Variants in LRRC43 observed in about 807,000 individuals in gnomAD.
LRRC43 encodes leucine rich repeat containing 43.
In LRRC43, 62 loss-of-function variants were observed where a neutral mutation model predicts 64.3. The observed-to-expected ratio is 0.96, with a 90% CI of 0.79 to 1.19. The LOEUF (loss-of-function observed/expected upper bound fraction) is 1.19. Among genes scored for constraint, LRRC43 ranks in the 50% most tolerant of loss-of-function variants. The probability of loss-of-function intolerance (pLI) is 0.00; values close to 1 mark genes in which losing one functional copy is unlikely to be tolerated. For synonymous variants in LRRC43, 422 were observed against 382.3 expected, an observed-to-expected ratio of 1.10 and a Z score of -1.21; for missense variants, 868 against 845.0, an observed-to-expected ratio of 1.03 and a Z score of -0.34.
chr12:122,192,709 C>T (rs747044716), intron 6 of LRRC43, 36 bp from the exon 7 acceptor site: 20 of 1,605,020 alleles, frequency 1.2e-5, no homozygotes, highest in East Asian at 4.5e-5. Flanking sequence ...ATCCTGAAGA[C>T]GGCAGCCTTG....
intron 7 of LRRC43, among the ~76,000 whole-genome samples, chr12:122,199,915 T>G (rs1008323699): frequency 6.6e-6 from 1 of 152,224 alleles, no homozygotes; most frequent in Non-Finnish European, 1.5e-5. Context: ...CAACTCTTGC[T>G]GCCTTTCGGT....
intron 7 of LRRC43, among the ~76,000 whole-genome samples, chr12:122,199,568 C>A (rs1383700635): frequency 1.3e-5 from 2 of 151,778 alleles, no homozygotes; most frequent in Admixed American, 6.6e-5. Flanking sequence ...AGGCGTGAGT[C>A]ACCCTGCCCG....
At chr12:122,171,446 C>T (rs574759733) in intron 1 of LRRC43, among the ~76,000 whole-genome samples, 38 of 152,322 alleles carry the variant, frequency 2.5e-4, no homozygotes, top group African/African-American at 9.1e-4. Context: ...ACTGCAGCCT[C>T]GAACTCCTGG....
chr12:122,182,126 G>A (rs1011193798), upstream of LRRC43, among the ~76,000 whole-genome samples: 21 of 152,068 alleles, frequency 1.4e-4, no homozygotes, highest in African/African-American at 4.6e-4. Flanking sequence ...GGTGGCTCAC[G>A]CCTGTAATCC....
chr12:122,197,796 T>C (rs1953787341), intron 7 of LRRC43, among the ~76,000 whole-genome samples: 1 of 151,988 alleles, frequency 6.6e-6, no homozygotes, highest in South Asian at 2.1e-4. Flanking sequence ...GTGGAGAAGA[T>C]GACAGTGTGC....
intron 7 of LRRC43, among the ~76,000 whole-genome samples, chr12:122,197,328 T>A (rs74392655): frequency 1.6e-5 from 1 of 60,742 alleles, no homozygotes; most frequent in Non-Finnish European, 3.2e-5. Flanking sequence ...CCCTGGCCAA[T>A]TTTTTTTTTG....
At chr12:122,180,695 C>T (rs1380864642), upstream of LRRC43, among the ~76,000 whole-genome samples, 1 of 152,122 alleles carries the variant, frequency 6.6e-6, no homozygotes, top group Admixed American at 6.5e-5. Context: ...CAGACCTGAC[C>T]TCATTCCTGA....
intron 1 of LRRC43, among the ~76,000 whole-genome samples, chr12:122,173,463 C>T (rs1275754780): frequency 1.3e-5 from 2 of 152,208 alleles, no homozygotes; most frequent in Non-Finnish European, 2.9e-5. Context: ...GCAGGCGGAT[C>T]ACTTGAGGTC....
At chr12:122,174,575 G>A (rs953723471) in intron 1 of LRRC43, among the ~76,000 whole-genome samples, 2 of 152,222 alleles carry the variant, frequency 1.3e-5, no homozygotes, top group Non-Finnish European at 1.5e-5. Flanking sequence ...AAGGCCAGCG[G>A]CCACAGGGAA....
upstream of LRRC43, among the ~76,000 whole-genome samples, chr12:122,180,908 CATAG>C (rs1473019047): frequency 6.6e-6 from 1 of 152,110 alleles, no homozygotes; most frequent in African/African-American, 2.4e-5. Flanking sequence ...ACTATGGACT[CATAG>C]ATATTTATTT....
At chr12:122,187,974 T>C (rs888700490) in intron 4 of LRRC43, 134 bp downstream of exon 4, 66 of 884,478 alleles carry the variant, frequency 7.5e-5, no homozygotes, top group Middle Eastern at 2.6e-4. Flanking sequence ...TCCAGACTTA[T>C]GGTTTATTTC....
rs1440336231 is a variant in LRRC43, at chr12:122,200,409, C to G, written c.1491+79C>G. The G allele has an allele frequency of 3.1e-6, 5 of 1,604,804 alleles. No homozygotes were observed. In the African/African-American group the frequency reaches 5.3e-5, roughly 17 times the overall value. On this transcript the variant is annotated intron_variant, in intron 8 of 11. Coordinates refer to ENST00000339777, the MANE Select transcript of LRRC43 (RefSeq NM_001098519.2). The surrounding 1 kb of genome is among the most constrained non-coding windows in gnomAD (Gnocchi z 4.6). Reference sequence around the variant, plus strand: ...TTCCTGTTCCCATCGGGCTGTCCCCCATGGGAGCCGCACTCCCTGGTTAGA... The same window carrying G: ...TTCCTGTTCCCATCGGGCTGTCCCCGATGGGAGCCGCACTCCCTGGTTAGA...
At chr12:122,185,644 G>A (rs902945962) in intron 2 of LRRC43, among the ~76,000 whole-genome samples, 1 of 152,230 alleles carries the variant, frequency 6.6e-6, no homozygotes, top group African/African-American at 2.4e-5. Context: ...CAAATAGGGT[G>A]ACTGACTGGT....
intron 1 of LRRC43, among the ~76,000 whole-genome samples, chr12:122,173,271 T>A (rs1593139176): frequency 6.6e-6 from 1 of 152,276 alleles, no homozygotes; most frequent in East Asian, 1.9e-4. Context: ...TCATCTTGGG[T>A]TGGTAACAAC....
chr12:122,172,483 G>T, intron 1 of LRRC43: 1 of 1,614,194 alleles, frequency 6.2e-7, no homozygotes, highest in Non-Finnish European at 8.5e-7. Flanking sequence ...GAAAACTGTT[G>T]AGAAATAGTC....
upstream of LRRC43, among the ~76,000 whole-genome samples, chr12:122,178,889 G>A (rs1953559511): frequency 1.3e-5 from 2 of 152,136 alleles, no homozygotes; most frequent in Admixed American, 6.5e-5. Context: ...TTATAGGCGT[G>A]AGCCATGGTG....
chr12:122,192,938 G>A lies in LRRC43; in HGVS notation c.1283G>A (p.Arg428Lys), dbSNP rs546419738. 138 of 1,614,000 alleles carry A rather than the reference G, an allele frequency of 8.6e-5. 2 individuals are homozygous for A. The South Asian group carries it at 1.4e-3, about 16-fold the overall frequency. Reference sequence around the variant, plus strand: ...CCTTCGACCATCTTGCAGATGCCGAGGGCCTCTGCAGAAGAGCTGGCCAAG... The same window carrying A: ...CCTTCGACCATCTTGCAGATGCCGAAGGCCTCTGCAGAAGAGCTGGCCAAG... ...SGPSTILQMP[R>K]ASAEELAKLR... The change falls in exon 7 of 12, where the codon AGG becomes AAG. Residue 428 changes from arginine (R) to lysine (K), a missense_variant. Arg to Lys is a conservative substitution (Grantham distance 26). Coordinates refer to ENST00000339777, the MANE Select transcript of LRRC43 (RefSeq NM_001098519.2).
At position 122,203,451 on chromosome 12, in the gene LRRC43, C is replaced by A. The variant is rs988955617; in HGVS notation, c.*9C>A. The A allele has an allele frequency of 1.2e-6, 2 of 1,605,956 alleles. No homozygotes were observed. The highest frequency in any genetic ancestry group is 1.1e-5 in the South Asian group (1 of 90,732). On this transcript the variant is annotated 3_prime_UTR_variant, in exon 12 of 12. Coordinates refer to ENST00000339777, the MANE Select transcript of LRRC43 (RefSeq NM_001098519.2). The stretch of plus-strand genomic sequence containing the variant: ...GCATGTTCGCCGTGTAGGGCGTGGG[C>A]AGTAAAGGCTGTTCCCAGCACTCCC...
At chr12:122,192,428 G>A (rs1047193306) in intron 6 of LRRC43, among the ~76,000 whole-genome samples, 2 of 152,014 alleles carry the variant, frequency 1.3e-5, no homozygotes, top group East Asian at 3.9e-4. Flanking sequence ...GAGCCACCGC[G>A]CCTAGCCCCA....
Sources: allele counts gnomAD v4.1 joint callset (sites outside exome capture counted in the v4.1 genomes callset), GRCh38; gene constraint gnomAD v4.1.1; non-coding constraint Gnocchi (gnomAD v3.1); transcripts MANE v1.5; gene names NCBI Gene and HGNC (gene_info 2026-07-23, HGNC 2026-07-21).